Variants in PTBP2 observed in about 807,000 individuals in gnomAD.
The protein encoded by PTBP2 is polypyrimidine tract binding protein 2.
In PTBP2, 13 loss-of-function variants were observed where a neutral mutation model predicts 61.4. That is an observed-to-expected ratio of 0.21 (90% CI 0.14 to 0.34). PTBP2 has a LOEUF of 0.34. Among genes scored for constraint, PTBP2 ranks in the 10% least tolerant of loss-of-function variants. The probability of loss-of-function intolerance (pLI) is 1.00; values close to 1 mark genes in which losing one functional copy is unlikely to be tolerated. For synonymous variants in PTBP2, 215 were observed against 218.5 expected (o/e 0.98, Z 0.14); for missense variants, 405 against 642.6 (o/e 0.63, Z 4.00).
chr1:96,809,353 T>C (rs999174673), intron 11 of PTBP2, among the ~76,000 whole-genome samples: 12 of 152,354 alleles, frequency 7.9e-5, no homozygotes, highest in African/African-American at 2.6e-4. Context: ...ATCAGTCACA[T>C]ACTAAACCAT....
intron 3 of PTBP2, among the ~76,000 whole-genome samples, chr1:96,757,196 G>A (rs1321744635): frequency 6.6e-6 from 1 of 152,146 alleles, no homozygotes; most frequent in Non-Finnish European, 1.5e-5. Flanking sequence ...AAAAAGCAAG[G>A]CCTAACTACA....
At chr1:96,766,851 T>C (rs1419587835) in intron 3 of PTBP2, among the ~76,000 whole-genome samples, 2 of 152,122 alleles carry the variant, frequency 1.3e-5, no homozygotes, top group East Asian at 3.9e-4. Flanking sequence ...ATGTTTGTTT[T>C]TGAGATCCTA....
chr1:96,812,843 C>T lies in PTBP2; in HGVS notation c.1303C>T (p.Pro435Ser). ...QGLTKDFGNS[P>S]LHRFKKPGSK... ...GCTAACAAAAGATTTTGGTAATTCCCCATTGCATCGTTTTAAGAAACCTGG... is the reference window on the plus strand; with the variant it reads ...GCTAACAAAAGATTTTGGTAATTCCTCATTGCATCGTTTTAAGAAACCTGG... The change falls in exon 12 of 14, where the codon CCA (proline) becomes TCA (serine). Residue 435 changes from proline (P) to serine (S), a missense_variant. Pro to Ser is a moderately conservative substitution (Grantham distance 74). Around this residue, in one of 4 missense-constraint regions of PTBP2, gnomAD observed 18 missense variants for 69.6 expected, o/e 0.26. Transcript: ENST00000674951. 1 of 1,613,808 alleles carries T rather than the reference C, an allele frequency of 6.2e-7. No individual in the cohort carries two copies. The highest frequency in any genetic ancestry group is 8.5e-7 in the Non-Finnish European group (1 of 1,179,836).
At chr1:96,786,236 A>G (rs1428348279) in intron 8 of PTBP2, among the ~76,000 whole-genome samples, 2 of 152,198 alleles carry the variant, frequency 1.3e-5, no homozygotes, top group Non-Finnish European at 2.9e-5. Flanking sequence ...TAAGTGGTAT[A>G]TATGTAGAGA....
At chr1:96,736,584 T>C (rs1652221026) in intron 2 of PTBP2, among the ~76,000 whole-genome samples, 1 of 152,232 alleles carries the variant, frequency 6.6e-6, no homozygotes, top group African/African-American at 2.4e-5. Context: ...AAGAAGAATG[T>C]AAAATATCCC....
Position 96,759,594 on chromosome 1 carries a change from A to G in PTBP2, c.115+8094A>G, listed in dbSNP as rs1315049145. 7.9e-5 allele frequency among the ~76,000 whole-genome samples: 12 copies of G among 152,198 alleles called. No homozygotes were observed. In the South Asian group the frequency reaches 2.5e-3, roughly 31 times the overall value. ...AACTAATATATAGAGTTTTTAGGAA[A>G]AAGCATAGGATATACTTGCAACTTT... On this transcript the variant is annotated intron_variant, in intron 3 of 13. Transcript: ENST00000674951.
chr1:96,778,141 C>A (rs1487132503), intron 7 of PTBP2, among the ~76,000 whole-genome samples, 195 bp downstream of exon 7: 2 of 148,482 alleles, frequency 1.3e-5, no homozygotes, highest in Non-Finnish European at 3.0e-5. Flanking sequence ...TTGTAGTTAA[C>A]CATGATGTGG....
chr1:96,761,505 A>G (rs1655866232), intron 3 of PTBP2, among the ~76,000 whole-genome samples: 1 of 151,808 alleles, frequency 6.6e-6, no homozygotes, highest in African/African-American at 2.4e-5. Context: ...ACGGTAGTTC[A>G]TTCCAAAGAT....
At chr1:96,726,131 T>G (rs1650458002) in intron 2 of PTBP2, among the ~76,000 whole-genome samples, 1 of 150,780 alleles carries the variant, frequency 6.6e-6, no homozygotes. Flanking sequence ...CTTCACAGCT[T>G]TTTTTGCTAT....
At chr1:96,746,780 C>T (rs918915099) in intron 2 of PTBP2, among the ~76,000 whole-genome samples, 4 of 150,770 alleles carry the variant, frequency 2.7e-5, no homozygotes, top group Admixed American at 6.6e-5. Context: ...TGTCTTTTCC[C>T]AGTTTGTAGC....
At chr1:96,799,294 C>CATTTTTTTTT (rs1660724753) in intron 8 of PTBP2, among the ~76,000 whole-genome samples, 1 of 92,198 alleles carries the variant, frequency 1.1e-5, no homozygotes, top group African/African-American at 4.8e-5. Context: ...ATAGATCAAG[C>CATTTTTTTTT]TTTTTTTTTT....
intron 2 of PTBP2, among the ~76,000 whole-genome samples, chr1:96,738,094 T>C (rs1264552211): frequency 6.6e-6 from 1 of 152,206 alleles, no homozygotes; most frequent in Non-Finnish European, 1.5e-5. Flanking sequence ...GGCAAGCTAT[T>C]AGCAGGGTTT....
chr1:96,790,415 CTTT>C (rs1553184495), intron 8 of PTBP2, among the ~76,000 whole-genome samples: 1 of 151,810 alleles, frequency 6.6e-6, no homozygotes, highest in East Asian at 1.9e-4. Flanking sequence ...CCTTTCGTTA[CTTT>C]TTTTTCTACT....
At position 96,769,090 on chromosome 1, in the gene PTBP2, C is replaced by T. The variant is rs995282211; in HGVS notation, c.116-613C>T. ...TTGGGGATAGTGATGAGGATACTCT[C>T]GGAGAAATGCATTGTTAGGTAATTT... is the stretch of plus-strand genomic sequence containing the variant. On this transcript the variant is annotated intron_variant, in intron 3 of 13. Coordinates refer to ENST00000674951, the MANE Select transcript of PTBP2 (RefSeq NM_021190.4). Among the ~76,000 whole-genome samples, 14 of 151,906 alleles carry T rather than the reference C, an allele frequency of 9.2e-5. No homozygotes were observed. In the South Asian group the frequency reaches 2.1e-3, roughly 22 times the overall value.
chr1:96,782,939 CT>C (rs1385109195), intron 7 of PTBP2, among the ~76,000 whole-genome samples: 1 of 151,688 alleles, frequency 6.6e-6, no homozygotes, highest in Non-Finnish European at 1.5e-5. Context: ...TACATGAAAA[CT>C]TTTTTTTCTG....
chr1:96,755,567 G>A (rs1655057519), intron 3 of PTBP2, among the ~76,000 whole-genome samples: 1 of 152,160 alleles, frequency 6.6e-6, no homozygotes, highest in African/African-American at 2.4e-5. Flanking sequence ...ACCAAAATGT[G>A]AAACAAACAT....
intron 8 of PTBP2, among the ~76,000 whole-genome samples, chr1:96,803,311 T>C (rs1253724741): frequency 1.3e-5 from 2 of 152,024 alleles, no homozygotes; most frequent in Non-Finnish European, 2.9e-5. Flanking sequence ...TAAAGTTGGG[T>C]GATGGCTACT....
At chr1:96,725,646 ATTAAAG>A (rs1473374346) in intron 2 of PTBP2, among the ~76,000 whole-genome samples, 1 of 152,152 alleles carries the variant, frequency 6.6e-6, no homozygotes, top group East Asian at 1.9e-4. Flanking sequence ...AGTCTGAATA[ATTAAAG>A]TTAATTTAAT....
At chr1:96,742,483 A>G (rs1395498247) in intron 2 of PTBP2, among the ~76,000 whole-genome samples, 2 of 151,974 alleles carry the variant, frequency 1.3e-5, no homozygotes, top group Admixed American at 1.3e-4. Flanking sequence ...GTTTTCTCCT[A>G]TTTCTTGATT....
Sources: gnomAD v4.1 joint callset for allele counts (sites outside exome capture counted in the v4.1 genomes callset) on GRCh38, gnomAD v4.1.1 for gene constraint, gnomAD v4.1.1 regional missense constraint, MANE v1.5 for transcripts, NCBI Gene and HGNC (gene_info 2026-07-23, HGNC 2026-07-21) for gene names.